The following CIZ1 variants were observed in gnomAD, a reference collection of about 807,000 sequenced individuals.
CIZ1 encodes the protein cip1-interacting zinc finger protein.
Under a neutral mutation model 118.6 loss-of-function variants are expected in CIZ1, and 58 were observed. That is an observed-to-expected ratio of 0.49 (90% CI 0.40 to 0.61). The LOEUF (loss-of-function observed/expected upper bound fraction) is 0.61. Among genes scored for constraint, CIZ1 ranks in the 20% least tolerant of loss-of-function variants. CIZ1 has a pLI of 0.00. For missense variants in CIZ1, 921 were observed against 1,115.9 expected (o/e 0.83, Z 2.49); for synonymous variants, 448 against 443.4 (o/e 1.01, Z -0.13).
At chr9:128,172,470 G>A (rs1007487932) in intron 11 of CIZ1, among the ~76,000 whole-genome samples, 9 of 151,998 alleles carry the variant, frequency 5.9e-5, no homozygotes, top group Admixed American at 5.3e-4. Context: ...TCCAGCCTGG[G>A]CAACGGAGCG....
In CIZ1 at chr9:128,166,286, GCTGGGA is replaced by G; in HGVS notation, c.2602_2607del (p.Ser868_Gln869del). Reference sequence around the variant, plus strand: ...CTGGGTGTTTTGTCCTGGGTGTTGGGCTGGGAGGGTGGGCGGCCGCTGGAGGTGAAC... The same window carrying G: ...CTGGGTGTTTTGTCCTGGGTGTTGGGGGGTGGGCGGCCGCTGGAGGTGAAC... On this transcript the variant is annotated inframe_deletion, in exon 17 of 17. Transcript: ENST00000372938. This position sits in a 1 kb window ranked among gnomAD's most constrained non-coding sequence, Gnocchi z 4.4. 6.4e-7 allele frequency: 1 copy of G among 1,567,474 alleles called. No individual in the cohort carries two copies. Among genetic ancestry groups the G allele is most frequent in the East Asian group, 2.3e-5 (1 of 43,028 alleles).
rs938471882 is a variant in CIZ1, at chr9:128,185,724, G to A, written c.411C>T (p.Leu137=). The change falls in exon 5 of 17, where the codon CTC becomes CTT. Residue 137 remains leucine, a synonymous_variant. Coordinates refer to ENST00000372938, the MANE Select transcript of CIZ1 (RefSeq NM_001131016.2). The part of the protein sequence containing the change: ...MASPGLAAPS[L]TPPQLATPNL... ...TTGGAGTGGCCAGTTGTGGGGGTGTGAGGCTGGGGGCTGCGAGGCCTGGGG... is the reference window on the plus strand; with the variant it reads ...TTGGAGTGGCCAGTTGTGGGGGTGTAAGGCTGGGGGCTGCGAGGCCTGGGG... 1.2e-6 allele frequency: 2 copies of A among 1,612,880 alleles called. No homozygotes were observed. Among genetic ancestry groups the A allele is most frequent in the Admixed American group, 1.7e-5 (1 of 59,862 alleles).
chr9:128,192,397 AAAG>A (rs1262522282), upstream of CIZ1, among the ~76,000 whole-genome samples: 1 of 151,888 alleles, frequency 6.6e-6, no homozygotes, highest in African/African-American at 2.4e-5. Context: ...TTTAAAAAGA[AAAG>A]GAGAGGAAAA....
In CIZ1 at chr9:128,169,125, T is replaced by A; in HGVS notation, c.2222A>T (p.Glu741Val). ...ATCCTCTTCCTCTTCTTCATCACCC[T>A]CGAAGCAACCCACAGCGTCCACTGT... is the stretch of plus-strand genomic sequence containing the variant. ...FITVDAVGCF[E>V]GDEEEEEDDE... Residue 741 changes from glutamate (E) to valine (V), a missense_variant, in exon 14 of 17, where the codon GAG (glutamate) becomes GTG (valine). Coordinates refer to ENST00000372938, the MANE Select transcript of CIZ1 (RefSeq NM_001131016.2). 1 of 1,614,116 alleles carries A rather than the reference T, an allele frequency of 6.2e-7. No individual in the cohort carries two copies. Among genetic ancestry groups the A allele is most frequent in the East Asian group, 2.2e-5 (1 of 44,888 alleles).
Position 128,169,450 on chromosome 9 carries a change from C to T in CIZ1, c.2101G>A (p.Val701Met), listed in dbSNP as rs781220647. 2 of 1,614,228 alleles carry T rather than the reference C, an allele frequency of 1.2e-6. No individual in the cohort carries two copies. The highest frequency in any genetic ancestry group is 1.7e-5 in the Admixed American group (1 of 60,028). Residue 701 changes from valine to methionine, a missense_variant, in exon 13 of 17, where the codon GTG becomes ATG. Coordinates refer to ENST00000372938, the MANE Select transcript of CIZ1 (RefSeq NM_001131016.2). ...TGCCCCTGGGACTTCACGTGCTCCA[C>T]AAACTTGCGAGGGGTTTTGAAGTAG... Reference protein sequence around the residue: ...NRYFKTPRKFVEHVKSQGHKD... With the variant: ...NRYFKTPRKFMEHVKSQGHKD...
intron 8 of CIZ1, 95 bp from the exon 9 acceptor site, chr9:128,178,585 T>C: frequency 6.3e-7 from 1 of 1,599,748 alleles, no homozygotes; most frequent in Non-Finnish European, 8.5e-7. Context: ...CCAGCATGGA[T>C]GGCCCTGGAC....
chr9:128,181,130 T>G (rs570211974), intron 5 of CIZ1, among the ~76,000 whole-genome samples: 49 of 152,286 alleles, frequency 3.2e-4, no homozygotes, highest in African/African-American at 1.0e-3. Flanking sequence ...CCTTTTTTTT[T>G]TTGAGACAGA....
At chr9:128,195,645 T>C (rs1833359153), upstream of CIZ1, among the ~76,000 whole-genome samples, 1 of 152,070 alleles carries the variant, frequency 6.6e-6, no homozygotes, top group African/African-American at 2.4e-5. Flanking sequence ...TCCAGGACTT[T>C]ATCTATCTAT....
chr9:128,199,719 CA>C (rs933378580), intron 1 of CIZ1, among the ~76,000 whole-genome samples: 1 of 147,986 alleles, frequency 6.8e-6, no homozygotes, highest in African/African-American at 2.5e-5. Flanking sequence ...TAAAAACAAA[CA>C]AAAAAACAAA....
Position 128,191,564 on chromosome 9 carries a change from G to A in CIZ1, c.-138C>T. The A allele has an allele frequency of 9.1e-7, 1 of 1,095,236 alleles. No homozygotes were observed. Among genetic ancestry groups the A allele is most frequent in the Non-Finnish European group, 1.1e-6 (1 of 900,664 alleles). 67.8% of individuals were successfully genotyped at this position (1,095,236 alleles called of 1,614,324 possible). On this transcript the variant is annotated 5_prime_UTR_variant, in exon 1 of 17. Transcript: ENST00000372938. The surrounding 1 kb of genome is among the most constrained non-coding windows in gnomAD (Gnocchi z 5.5). Reference sequence around the variant, plus strand: ...CCCGCTGCTACTCCGGGGCCTGTGGGCTCGTAAGGCCCAAATGCGGGCGGG... The same window carrying A: ...CCCGCTGCTACTCCGGGGCCTGTGGACTCGTAAGGCCCAAATGCGGGCGGG...
intron 2 of CIZ1, 44 bp from the exon 3 acceptor site, chr9:128,190,488 G>T (rs1162586769): frequency 7.4e-6 from 11 of 1,490,146 alleles, no homozygotes; most frequent in Non-Finnish European, 1.0e-5. Context: ...TGGAAAGTCA[G>T]ACCTTCCTTC....
chr9:128,176,131 C>A (rs1830818072), intron 11 of CIZ1, among the ~76,000 whole-genome samples: 1 of 152,190 alleles, frequency 6.6e-6, no homozygotes, highest in Non-Finnish European at 1.5e-5. Context: ...CTAGAGGGAA[C>A]CTTAAGAGAA....
In CIZ1 at chr9:128,190,211, T is replaced by C. The variant is rs1237257983; in HGVS notation, c.286+118A>G. On this transcript the variant is annotated intron_variant, in intron 3 of 16. Transcript: ENST00000372938. ...AGCCTTAGTGTCCTCATGAGTGAAC[T>C]AGGATGCCAAGAATAGCTCCCTCTC... 19 of 709,718 alleles carry C rather than the reference T, an allele frequency of 2.7e-5. No homozygotes were observed. In the South Asian group the frequency reaches 2.7e-4, roughly 10 times the overall value. 44.0% of individuals were successfully genotyped at this position (709,718 alleles called of 1,614,324 possible).
At chr9:128,178,561 G>A (rs1252547798) in intron 8 of CIZ1, 71 bp from the exon 9 acceptor site, 9 of 1,608,900 alleles carry the variant, frequency 5.6e-6, no homozygotes, top group Non-Finnish European at 7.6e-6. Context: ...TCCGCAGCCA[G>A]AACCTTGAGG....
In CIZ1 at chr9:128,203,768, G is replaced by A; in HGVS notation, c.-6+418C>T. The A allele has an allele frequency of 3.1e-6, 2 of 654,966 alleles. No individual in the cohort carries two copies. The highest frequency in any genetic ancestry group is 3.7e-5 in the African/African-American group (1 of 26,844). The allele number at this position is 654,966 out of a possible 1,614,324, so 40.6% of individuals were successfully genotyped here. The stretch of plus-strand genomic sequence containing the variant: ...GCCGGCGCGCCCCCCACCCCCAGCC[G>A]GAGCGAGGAGGCCCTCCCCCCACCA... On this transcript the variant is annotated intron_variant, in intron 1 of 17. Coordinates refer to the CIZ1 transcript ENST00000372948. This position sits in a 1 kb window ranked among gnomAD's most constrained non-coding sequence, Gnocchi z 5.3.
intron 5 of CIZ1, among the ~76,000 whole-genome samples, chr9:128,182,827 T>C (rs1831849608): frequency 6.6e-6 from 1 of 152,014 alleles, no homozygotes; most frequent in South Asian, 2.1e-4. Context: ...TCTCACTGTG[T>C]TTCCTAGGCT....
chr9:128,191,901 G>C (rs1281320533), upstream of CIZ1: 18 of 1,444,648 alleles, frequency 1.2e-5, no homozygotes, highest in Non-Finnish European at 1.6e-5. The surrounding 1 kb of genome is among the most constrained non-coding windows in gnomAD (Gnocchi z 5.5). Flanking sequence ...CCCGCGCGGG[G>C]CTGCGGTGAG....
At position 128,203,552 on chromosome 9, in the gene CIZ1, G is replaced by A. The variant is rs762189357; in HGVS notation, c.-6+634C>T. 4 of 1,549,158 alleles carry A rather than the reference G, an allele frequency of 2.6e-6. No homozygotes were observed. The highest frequency in any genetic ancestry group is 3.5e-6 in the Non-Finnish European group (4 of 1,151,152). ...CTTCTCTGCCATCGGCCAGAACGCG[G>A]ACCTCGACCTGCCGCAGATCGCTGT... On this transcript the variant is annotated intron_variant, in intron 1 of 17. Transcript: ENST00000372948. This position sits in a 1 kb window ranked among gnomAD's most constrained non-coding sequence, Gnocchi z 5.3.
chr9:128,174,722 C>T (rs980968318), intron 11 of CIZ1, among the ~76,000 whole-genome samples: 1 of 152,012 alleles, frequency 6.6e-6, no homozygotes, highest in East Asian at 1.9e-4. Context: ...TGCAGTGGCG[C>T]GATCTCGGCT....
Sources: gnomAD v4.1 joint callset for allele counts (sites outside exome capture counted in the v4.1 genomes callset) on GRCh38, gnomAD v4.1.1 for gene constraint, Gnocchi (gnomAD v3.1) non-coding constraint, MANE v1.5 for transcripts, NCBI Gene and HGNC (gene_info 2026-07-23, HGNC 2026-07-21) for gene names.